SPOCK3: variants seen among roughly 807,000 people sequenced by gnomAD.
The protein encoded by SPOCK3 is testican-3.
A neutral mutation model predicts 56.6 loss-of-function variants in SPOCK3; 30 were observed. That is an observed-to-expected ratio of 0.53 (90% CI 0.40 to 0.72). The LOEUF (loss-of-function observed/expected upper bound fraction) is 0.72, where lower values mean the gene tolerates loss of function less well. Ranked by LOEUF, SPOCK3 falls within the 30% of genes least tolerant of loss-of-function variation. SPOCK3 has a pLI of 0.00. For synonymous variants in SPOCK3, 196 were observed against 183.3 expected (o/e 1.07, Z -0.56); for missense variants, 527 against 530.0 (o/e 0.99, Z 0.06).
intron 6 of SPOCK3, among the ~76,000 whole-genome samples, chr4:166,884,926 A>AT (rs1734046320): frequency 6.6e-6 from 1 of 151,876 alleles, no homozygotes; most frequent in Non-Finnish European, 1.5e-5. Flanking sequence ...AGTATGTAGG[A>AT]TAACAGAGTT....
intron 4 of SPOCK3, among the ~76,000 whole-genome samples, chr4:166,953,440 T>G (rs1000328323): frequency 6.6e-6 from 1 of 150,914 alleles, no homozygotes. Flanking sequence ...AAACAACAGG[T>G]GCTGGAGAGG....
chr4:167,075,170 A>AT (rs1041516216), intron 2 of SPOCK3, among the ~76,000 whole-genome samples: 34 of 150,166 alleles, frequency 2.3e-4, no homozygotes, highest in South Asian at 4.2e-4. Context: ...AACCAGTTTT[A>AT]TTTTTTTTTT....
intron 3 of SPOCK3, among the ~76,000 whole-genome samples, chr4:167,010,610 A>C (rs1189449174): frequency 6.6e-6 from 1 of 152,116 alleles, no homozygotes; most frequent in African/African-American, 2.4e-5. Context: ...CATTCATAAA[A>C]AATTATTAAA....
chr4:166,813,323 C>A (rs1008248673), intron 6 of SPOCK3, among the ~76,000 whole-genome samples: 6 of 151,938 alleles, frequency 3.9e-5, no homozygotes, highest in African/African-American at 1.2e-4. Context: ...CACAGTCACA[C>A]CCCGAGATTC....
intron 5 of SPOCK3, among the ~76,000 whole-genome samples, chr4:166,899,530 A>C (rs1735811257): frequency 2.9e-5 from 2 of 68,734 alleles, no homozygotes; most frequent in Admixed American, 2.9e-4. Flanking sequence ...TTTTTGAGAC[A>C]GAGTCTTGCT....
chr4:167,205,497 A>ATATAATATATAT (rs1734150213), intron 2 of SPOCK3, among the ~76,000 whole-genome samples: 1 of 53,468 alleles, frequency 1.9e-5, no homozygotes, highest in African/African-American at 8.5e-5. Context: ...ATAATATATA[A>ATATAATATATAT]TATATATTAT....
chr4:167,027,288 A>C (rs1320763540), intron 3 of SPOCK3, among the ~76,000 whole-genome samples: 1 of 151,948 alleles, frequency 6.6e-6, no homozygotes, highest in Non-Finnish European at 1.5e-5. Flanking sequence ...TCATGTTTGC[A>C]CTTTTCATCC....
intron 3 of SPOCK3, among the ~76,000 whole-genome samples, chr4:167,043,067 T>C (rs1214975697): frequency 3.9e-5 from 6 of 152,102 alleles, no homozygotes; most frequent in Admixed American, 6.6e-5. Context: ...TTAGGTGGCA[T>C]TATATAGCAT....
intron 3 of SPOCK3, among the ~76,000 whole-genome samples, chr4:167,013,544 A>G (rs1750304811): frequency 1.3e-5 from 2 of 151,388 alleles, no homozygotes; most frequent in South Asian, 4.1e-4. Context: ...TGTATTATAA[A>G]ATATTATCAT....
intron 7 of SPOCK3, among the ~76,000 whole-genome samples, chr4:166,763,254 T>A (rs568811192): frequency 1.3e-5 from 2 of 151,404 alleles, no homozygotes; most frequent in South Asian, 4.2e-4. Context: ...CAGAAGACAA[T>A]GGAAAATTTC....
intron 3 of SPOCK3, among the ~76,000 whole-genome samples, chr4:167,018,840 A>G (rs1357186230): frequency 6.6e-6 from 1 of 152,026 alleles, no homozygotes; most frequent in East Asian, 1.9e-4. Flanking sequence ...TCTTTGAAGG[A>G]AGATACTTTC....
intron 7 of SPOCK3, among the ~76,000 whole-genome samples, chr4:166,770,304 G>T (rs535265090): frequency 1.3e-4 from 20 of 152,176 alleles, no homozygotes; most frequent in Non-Finnish European, 2.6e-4. Context: ...GACTGGAGCT[G>T]TTCCTATTCG....
intron 6 of SPOCK3, among the ~76,000 whole-genome samples, chr4:166,851,587 G>A (rs1474121621): frequency 1.3e-5 from 2 of 152,230 alleles, no homozygotes; most frequent in East Asian, 3.8e-4. Flanking sequence ...TTAGAAGAAT[G>A]TATAACTAGA....
intron 6 of SPOCK3, among the ~76,000 whole-genome samples, chr4:166,795,292 A>C (rs2126667482): frequency 6.6e-6 from 1 of 152,158 alleles, no homozygotes; most frequent in South Asian, 2.1e-4. Context: ...ACCGTATATC[A>C]GTAATATATC....
chr4:167,052,809 A>T (rs1454285353), intron 3 of SPOCK3, among the ~76,000 whole-genome samples: 2 of 152,340 alleles, frequency 1.3e-5, no homozygotes, highest in East Asian at 3.9e-4. Context: ...AATTAAAGGC[A>T]TCTGGGAGAC....
At chr4:166,806,151 G>A (rs1165854551) in intron 6 of SPOCK3, among the ~76,000 whole-genome samples, 1 of 152,130 alleles carries the variant, frequency 6.6e-6, no homozygotes, top group East Asian at 1.9e-4. Context: ...TAAATTTCAT[G>A]TATATAAACA....
chr4:167,015,989 TAAA>T (rs1212549752), intron 3 of SPOCK3, among the ~76,000 whole-genome samples: 2 of 152,130 alleles, frequency 1.3e-5, no homozygotes, highest in Admixed American at 1.3e-4. Context: ...AATTTTTTGT[TAAA>T]AAAAGTATTT....
chr4:167,216,201 T>C (rs1186715616), intron 2 of SPOCK3, among the ~76,000 whole-genome samples: 1 of 151,986 alleles, frequency 6.6e-6, no homozygotes, highest in African/African-American at 2.4e-5. Context: ...ACTATACATA[T>C]ATATGAACTG....
chr4:167,202,758 TAA>T (rs531063599), intron 2 of SPOCK3, among the ~76,000 whole-genome samples: 6 of 144,912 alleles, frequency 4.1e-5, no homozygotes, highest in African/African-American at 5.0e-5. Flanking sequence ...GTGTATTCAA[TAA>T]AAAAAAAAAC....
Sources: gnomAD v4.1 joint callset for allele counts (sites outside exome capture counted in the v4.1 genomes callset) on GRCh38, gnomAD v4.1.1 for gene constraint, MANE v1.5 for transcripts, NCBI Gene and HGNC (gene_info 2026-07-23, HGNC 2026-07-21) for gene names.